Variants in TRAK1 observed in about 807,000 individuals in gnomAD.
TRAK1 encodes the protein trafficking kinesin-binding protein 1.
TRAK1 carries 33 observed loss-of-function variants against 92.1 expected under a neutral mutation model. That is an observed-to-expected ratio of 0.36 (90% CI 0.27 to 0.48). The LOEUF (loss-of-function observed/expected upper bound fraction) is 0.48. TRAK1 is among the 20% of genes least tolerant of loss of function. The pLI is 0.99. For synonymous variants in TRAK1, 521 were observed against 517.3 expected (o/e 1.01, Z -0.10); for missense variants, 1,123 against 1,257.9 (o/e 0.89, Z 1.62).
intron 1 of TRAK1, among the ~76,000 whole-genome samples, chr3:42,093,793 C>G (rs1705499053): frequency 6.7e-6 from 1 of 149,226 alleles, no homozygotes; most frequent in Admixed American, 6.7e-5. Flanking sequence ...ACCTCCACCT[C>G]CCAGGTTCAA....
Position 42,060,332 on chromosome 3 carries a change from G to A in TRAK1, c.-518-26772G>A, listed in dbSNP as rs191940766. ...AAGACAGAGATGGCTACAGCACCAC[G>A]GTGGGGGGTGGGGGGTGGTGGTGGG... On this transcript the variant is annotated intron_variant, in intron 1 of 16. Transcript: ENST00000487159. Among the ~76,000 whole-genome samples the A allele has an allele frequency of 3.0e-3, 453 of 151,512 alleles. 3 individuals are homozygous for A. Among genetic ancestry groups the A allele is most frequent in the African/African-American group, 0.01 (415 of 41,296 alleles).
At chr3:42,115,477 C>T (rs1057490610) in intron 1 of TRAK1, among the ~76,000 whole-genome samples, 7 of 152,124 alleles carry the variant, frequency 4.6e-5, no homozygotes, top group African/African-American at 1.2e-4. Flanking sequence ...GCGACTGCTT[C>T]TTTGGGGGTA....
intron 1 of TRAK1, among the ~76,000 whole-genome samples, chr3:42,050,213 A>G (rs921473058): frequency 1.3e-5 from 2 of 151,850 alleles, no homozygotes; most frequent in African/African-American, 4.8e-5. Flanking sequence ...GGGGTCTTAC[A>G]CTGCTAAGTA....
intron 1 of TRAK1, among the ~76,000 whole-genome samples, chr3:42,073,311 C>G (rs62257305): frequency 6.6e-6 from 1 of 152,266 alleles, no homozygotes; most frequent in East Asian, 1.9e-4. Context: ...GCTGTCGGCT[C>G]GTCTAAATCT....
Position 42,223,215 on chromosome 3 carries a change from T to C in TRAK1, c.2340T>C (p.Ser780=). The C allele has an allele frequency of 1.9e-6, 3 of 1,614,136 alleles. No individual in the cohort carries two copies. Among genetic ancestry groups the C allele is most frequent in the Non-Finnish European group, 2.5e-6 (3 of 1,180,004 alleles). ...CGCCCAAGATGGCTGTGATCCCCTC[T>C]ACTCCGCCGAACTCGCCTATGCAGA... The part of the protein sequence containing the change: ...SYTPKMAVIP[S]TPPNSPMQTP... Residue 780 remains serine (S), a synonymous_variant, in exon 16 of 16, where the codon TCT becomes TCC. Coordinates refer to ENST00000327628, the MANE Select transcript of TRAK1 (RefSeq NM_001042646.3). The surrounding 1 kb of genome is among the most constrained non-coding windows in gnomAD (Gnocchi z 6.1).
At chr3:42,110,094 G>GTGTATATATATATATATATATATATA (rs1417746436) in intron 1 of TRAK1, among the ~76,000 whole-genome samples, 7 of 83,228 alleles carry the variant, frequency 8.4e-5, no homozygotes, top group Admixed American at 1.2e-4. Flanking sequence ...AGAACTTAAA[G>GTGTATATATATATATATATATATATA]TATATATATA....
chr3:42,200,938 C>A lies in TRAK1; in HGVS notation c.1311C>A (p.Leu437=), dbSNP rs878993244. ...GSNQSSAMNS[L]LSSCVSTPRS... ...ACCAGTCCTCGGCCATGAACTCCCTCCTGTCCAGCTGCGTCAGCACCCCCC... is the reference window on the plus strand; with the variant it reads ...ACCAGTCCTCGGCCATGAACTCCCTACTGTCCAGCTGCGTCAGCACCCCCC... Residue 437 remains leucine, a synonymous_variant, in exon 12 of 16, where the codon CTC becomes CTA. Transcript: ENST00000327628. The A allele has an allele frequency of 3.7e-6, 6 of 1,614,218 alleles. No homozygotes were observed.
intron 2 of TRAK1, among the ~76,000 whole-genome samples, chr3:42,133,348 G>A (rs1030532907): frequency 2.6e-5 from 4 of 151,950 alleles, no homozygotes; most frequent in Admixed American, 6.6e-5. Context: ...CCGCTCCCTC[G>A]CTACCCCTCT....
rs10634555 is a variant in TRAK1, at chr3:42,210,085, C to CGGAGGAGGAGGAGGA, written c.1963+118_1963+132dup. 1.1e-5 allele frequency: 18 copies of CGGAGGAGGAGGAGGA among 1,577,336 alleles called. No individual in the cohort carries two copies. The East Asian group carries it at 1.6e-4, about 14-fold the overall frequency. ...GAGATGCAGGAGCCGCCAGCGGCCA[C>CGGAGGAGGAGGAGGA]GGAGGAGGAGGAGGAGGAGGAGGAG... On this transcript the variant is annotated intron_variant, in intron 14 of 15. Coordinates refer to ENST00000327628, the MANE Select transcript of TRAK1 (RefSeq NM_001042646.3).
intron 6 of TRAK1, among the ~76,000 whole-genome samples, chr3:42,190,239 C>A (rs1431606450): frequency 1.3e-5 from 2 of 152,120 alleles, no homozygotes; most frequent in Non-Finnish European, 2.9e-5. Context: ...GTTTATCAGG[C>A]CCCTGTGTGT....
chr3:42,066,636 A>G (rs1703694511), intron 1 of TRAK1, among the ~76,000 whole-genome samples: 1 of 152,118 alleles, frequency 6.6e-6, no homozygotes, highest in Admixed American at 6.5e-5. Context: ...CCATGCATGC[A>G]GTTTGTAGCC....
chr3:42,025,058 C>T (rs1156951957), intron 1 of TRAK1, among the ~76,000 whole-genome samples: 4 of 152,286 alleles, frequency 2.6e-5, no homozygotes, highest in South Asian at 4.1e-4. Context: ...AAAAGCATAC[C>T]GTGATGGGAA....
chr3:42,202,473 A>G lies in TRAK1; in HGVS notation c.1465A>G (p.Thr489Ala). ...GAGTAAGAAGCCGGGGACGCCGGGCACCCCAGGCTCCCACGACCTGGAGAC... is the reference window on the plus strand; with the variant it reads ...GAGTAAGAAGCCGGGGACGCCGGGCGCCCCAGGCTCCCACGACCTGGAGAC... ...ERSKKPGTPG[T>A]PGSHDLETAL... Residue 489 changes from threonine (T) to alanine (A), a missense_variant, in exon 13 of 16, where the codon ACC becomes GCC. By Grantham distance (58) the Thr-to-Ala change is moderately conservative. Transcript: ENST00000327628. The surrounding 1 kb of genome is among the most constrained non-coding windows in gnomAD (Gnocchi z 6.1). 9.4e-6 allele frequency: 14 copies of G among 1,487,076 alleles called. No individual in the cohort carries two copies. Among genetic ancestry groups the G allele is most frequent in the Non-Finnish European group, 1.2e-5 (13 of 1,114,900 alleles). 92.1% of individuals were successfully genotyped at this position (1,487,076 alleles called of 1,614,324 possible).
intron 1 of TRAK1, among the ~76,000 whole-genome samples, chr3:42,053,258 G>A (rs181662122): frequency 5.5e-4 from 84 of 151,516 alleles, no homozygotes; most frequent in East Asian, 5.9e-4. Context: ...TGTGATAGCC[G>A]AGCTCATTTT....
intron 1 of TRAK1, among the ~76,000 whole-genome samples, chr3:42,053,595 A>G (rs958069975): frequency 3.9e-5 from 6 of 152,146 alleles, no homozygotes; most frequent in Non-Finnish European, 7.4e-5. Context: ...CCCCGCCCCC[A>G]GGATCTAGGC....
At chr3:42,217,520 C>G in intron 14 of TRAK1, 1 of 985,376 alleles carries the variant, frequency 1.0e-6, no homozygotes, top group South Asian at 4.7e-5. Flanking sequence ...CTTACACTCC[C>G]TATTGCAATT....
chr3:42,183,330 C>T (rs994005333), intron 3 of TRAK1, among the ~76,000 whole-genome samples: 1 of 151,724 alleles, frequency 6.6e-6, no homozygotes, highest in Non-Finnish European at 1.5e-5. Context: ...TCGAGGAGGG[C>T]GAATCACCTG....
chr3:42,058,569 C>A (rs1450004231), intron 1 of TRAK1, among the ~76,000 whole-genome samples: 1 of 152,098 alleles, frequency 6.6e-6, no homozygotes, highest in African/African-American at 2.4e-5. Flanking sequence ...GTCTTGAACA[C>A]CTGACCTTGG....
At position 42,057,784 on chromosome 3, in the gene TRAK1, C is replaced by T. The variant is rs532187981; in HGVS notation, c.-518-29320C>T. On this transcript the variant is annotated intron_variant, in intron 1 of 16. Coordinates refer to the TRAK1 transcript ENST00000487159. ...TTTGCATCTTGGGCAGGCCACATGT[C>T]TCTCCTCCATCAAGTGTCCTGTAAC... Among the ~76,000 whole-genome samples, 13 of 152,280 alleles carry T rather than the reference C, an allele frequency of 8.5e-5. No individual in the cohort carries two copies. In the East Asian group the frequency reaches 2.5e-3, roughly 29 times the overall value.
Sources: gnomAD v4.1 joint callset for allele counts (sites outside exome capture counted in the v4.1 genomes callset) on GRCh38, gnomAD v4.1.1 for gene constraint, Gnocchi (gnomAD v3.1) non-coding constraint, MANE v1.5 for transcripts, NCBI Gene and HGNC (gene_info 2026-07-23, HGNC 2026-07-21) for gene names.